Variants in ATAD5 observed in about 807,000 individuals in gnomAD.
The protein encoded by ATAD5 is ATPase family AAA domain containing 5.
Under a neutral mutation model 176.9 loss-of-function variants are expected in ATAD5, and 58 were observed. The observed-to-expected ratio is 0.33, with a 90% CI of 0.27 to 0.41. The LOEUF is 0.41. Ranked by LOEUF, ATAD5 falls within the 10% of genes least tolerant of loss-of-function variation. The pLI, the probability that ATAD5 is intolerant of heterozygous loss-of-function variation, is 1.00. For missense variants in ATAD5, 1,789 were observed against 2,094.1 expected, an observed-to-expected ratio of 0.85 and a Z score of 2.84; for synonymous variants, 640 against 712.6, an observed-to-expected ratio of 0.90 and a Z score of 1.62.
At chr17:30,847,391 C>T (rs991253718) in intron 6 of ATAD5, among the ~76,000 whole-genome samples, 1 of 151,926 alleles carries the variant, frequency 6.6e-6, no homozygotes, top group South Asian at 2.1e-4. Flanking sequence ...AGTGCAGTGG[C>T]GCGATGTCCG....
intron 1 of ATAD5, among the ~76,000 whole-genome samples, chr17:30,833,055 C>T (rs1905479326): frequency 6.6e-6 from 1 of 152,222 alleles, no homozygotes; most frequent in Non-Finnish European, 1.5e-5. Context: ...CTTTTCATCT[C>T]AGACTAGCAT....
chr17:30,855,577 C>G (rs1907246427), intron 7 of ATAD5, among the ~76,000 whole-genome samples: 1 of 151,748 alleles, frequency 6.6e-6, no homozygotes, highest in Non-Finnish European at 1.5e-5. Flanking sequence ...TGTCTCATGC[C>G]TGTAATCCCA....
intron 19 of ATAD5, among the ~76,000 whole-genome samples, chr17:30,889,196 G>A (rs1038942981): frequency 5.3e-5 from 7 of 132,914 alleles, no homozygotes; most frequent in South Asian, 4.6e-4. Context: ...GTAGGGTCTC[G>A]CTATATTGCC....
intron 6 of ATAD5, among the ~76,000 whole-genome samples, chr17:30,850,869 A>ATTTTTT (rs58433358): frequency 6.8e-5 from 1 of 14,780 alleles, no homozygotes; most frequent in Non-Finnish European, 1.2e-4. Flanking sequence ...ATATATATAT[A>ATTTTTT]TTTTTTTTTT....
At chr17:30,875,657 C>T (rs1197863232) in intron 14 of ATAD5, among the ~76,000 whole-genome samples, 3 of 151,764 alleles carry the variant, frequency 2.0e-5, no homozygotes, top group Non-Finnish European at 4.4e-5. Context: ...ATTAGCCAGG[C>T]GTGGTGGTGT....
At chr17:30,859,689 C>T (rs559415972) in intron 9 of ATAD5, among the ~76,000 whole-genome samples, 1 of 151,290 alleles carries the variant, frequency 6.6e-6, no homozygotes, top group African/African-American at 2.4e-5. Context: ...GAGACACGGT[C>T]TCACTTTGTT....
intron 14 of ATAD5, among the ~76,000 whole-genome samples, chr17:30,875,795 C>CAAA (rs55820733): frequency 1.6e-5 from 2 of 124,598 alleles, no homozygotes; most frequent in Admixed American, 8.1e-5. Context: ...GACCCTGACT[C>CAAA]AAAAAAAAAA....
chr17:30,855,166 A>G lies in ATAD5; in HGVS notation c.2474A>G (p.Gln825Arg). Residue 825 changes from glutamine to arginine, a missense_variant, in exon 7 of 23, where the codon CAG (glutamine) becomes CGG (arginine). Gln to Arg is a conservative substitution (Grantham distance 43). Around this residue, in one of 6 missense-constraint regions of ATAD5, gnomAD observed 487 missense variants for 573.6 expected, o/e 0.85. Transcript: ENST00000321990. ...ESSQDTSEKSQDCDVQCKAKR... is the reference protein window; with the variant it reads ...ESSQDTSEKSRDCDVQCKAKR... Reference sequence around the variant, plus strand: ...AGTCAAGATACATCTGAAAAATCTCAGGATTGTGATGTTCAATGTAAAGCA... The same window carrying G: ...AGTCAAGATACATCTGAAAAATCTCGGGATTGTGATGTTCAATGTAAAGCA... 6.2e-7 allele frequency: 1 copy of G among 1,602,096 alleles called. No homozygotes were observed. The highest frequency in any genetic ancestry group is 8.5e-7 in the Non-Finnish European group (1 of 1,176,650).
At chr17:30,876,731 G>A (rs1218960372) in intron 15 of ATAD5, among the ~76,000 whole-genome samples, 181 bp downstream of exon 15, 1 of 24,248 alleles carries the variant, frequency 4.1e-5, no homozygotes, top group African/African-American at 1.1e-4. Flanking sequence ...TTTTTTTTTT[G>A]AGACAGAGTC....
At chr17:30,880,384 G>C (rs990326540) in intron 18 of ATAD5, among the ~76,000 whole-genome samples, 1 of 152,178 alleles carries the variant, frequency 6.6e-6, no homozygotes. Flanking sequence ...CAGGTAGGGT[G>C]GGTCACCTGA....
intron 14 of ATAD5, 49 bp from the exon 15 acceptor site, chr17:30,876,325 G>A: frequency 1.3e-6 from 2 of 1,496,810 alleles, no homozygotes; most frequent in Non-Finnish European, 1.8e-6. Context: ...CTTGCTACCT[G>A]TATGATTTTT....
intron 17 of ATAD5, among the ~76,000 whole-genome samples, chr17:30,878,724 T>TTTTTTTG (rs1567696508): frequency 1.2e-5 from 1 of 85,830 alleles, no homozygotes; most frequent in African/African-American, 5.2e-5. Context: ...TGGTGTTTTT[T>TTTTTTTG]TTTTTTTTTT....
At position 30,869,409 on chromosome 17, in the gene ATAD5, G is replaced by A. The variant is rs571140886; in HGVS notation, c.3456+19G>A. 6.2e-7 allele frequency: 1 copy of A among 1,610,324 alleles called. No individual in the cohort carries two copies. The highest frequency in any genetic ancestry group is 1.1e-5 in the South Asian group (1 of 90,250). On this transcript the variant is annotated intron_variant, in intron 13 of 22. Coordinates refer to ENST00000321990, the MANE Select transcript of ATAD5 (RefSeq NM_024857.5). ...ATTTAAGGTTAGTAACAGCTATGAT[G>A]AGAGAATGTTAATGTAATAATTACC...
At chr17:30,848,025 G>T (rs1906638969) in intron 6 of ATAD5, among the ~76,000 whole-genome samples, 1 of 152,014 alleles carries the variant, frequency 6.6e-6, no homozygotes, top group Non-Finnish European at 1.5e-5. Flanking sequence ...CCGCCTGACT[G>T]CTATGAACAT....
chr17:30,881,919 A>C (rs369266136), intron 18 of ATAD5, among the ~76,000 whole-genome samples: 493 of 142,806 alleles, frequency 3.5e-3, no homozygotes, highest in African/African-American at 0.012. Flanking sequence ...TCCCCCCCCC[A>C]AAAAAATAAT....
At chr17:30,854,725 TTTTTG>T (rs764928626) in intron 6 of ATAD5, among the ~76,000 whole-genome samples, 25 of 151,634 alleles carry the variant, frequency 1.6e-4, no homozygotes, top group Admixed American at 1.2e-3. Context: ...TCTTTTCTGG[TTTTTG>T]TTTTGTTTTG....
Position 30,834,957 on chromosome 17 carries a change from T to C in ATAD5, c.876T>C (p.Pro292=), listed in dbSNP as rs1905621030. ...IPDSTMSICV[P]SETVDEIVKS... The stretch of plus-strand genomic sequence containing the variant: ...ACTCTACAATGTCAATTTGTGTTCC[T>C]TCTGAAACTGTCGACGAAATAGTCA... The change falls in exon 2 of 23, where the codon CCT becomes CCC. Residue 292 remains proline (P), a synonymous_variant. Transcript: ENST00000321990. 2.5e-6 allele frequency: 4 copies of C among 1,613,948 alleles called. No individual in the cohort carries two copies. The South Asian group carries it at 4.4e-5, about 18-fold the overall frequency.
intron 19 of ATAD5, among the ~76,000 whole-genome samples, chr17:30,887,903 C>T (rs1245389793): frequency 1.3e-5 from 2 of 152,066 alleles, no homozygotes; most frequent in South Asian, 2.1e-4. Flanking sequence ...GCGATCTCGG[C>T]TCATTGCAAC....
intron 10 of ATAD5, among the ~76,000 whole-genome samples, chr17:30,860,954 C>G (rs1221746857): frequency 6.6e-6 from 1 of 151,536 alleles, no homozygotes; most frequent in Non-Finnish European, 1.5e-5. Flanking sequence ...GTCGCCCGGG[C>G]TGGAGCCCAC....
Sources: allele counts gnomAD v4.1 joint callset (sites outside exome capture counted in the v4.1 genomes callset), GRCh38; gene constraint gnomAD v4.1.1; regional missense constraint gnomAD v4.1.1; transcripts MANE v1.5; gene names NCBI Gene and HGNC (gene_info 2026-07-23, HGNC 2026-07-21).